SPAG7: variants seen among roughly 807,000 people sequenced by gnomAD.
SPAG7 encodes the protein sperm-associated antigen 7.
A neutral mutation model predicts 30.6 loss-of-function variants in SPAG7; 20 were observed. The observed-to-expected ratio is 0.65, with a 90% CI of 0.46 to 0.95. The LOEUF (loss-of-function observed/expected upper bound fraction) is 0.95. SPAG7 is among the 40% of genes least tolerant of loss of function. The pLI is 0.00. For missense variants in SPAG7, 276 were observed against 291.1 expected (o/e 0.95, Z 0.38); for synonymous variants, 127 against 104.2 (o/e 1.22, Z -1.33).
chr17:4,965,061 CACT>C (rs1180979998), intron 1 of SPAG7, among the ~76,000 whole-genome samples: 1 of 152,226 alleles, frequency 6.6e-6, no homozygotes, highest in African/African-American at 2.4e-5. Context: ...AGGCATGTGC[CACT>C]ACACCTGGCT....
chr17:4,961,564 A>G (rs1971863807), intron 1 of SPAG7, among the ~76,000 whole-genome samples: 1 of 150,418 alleles, frequency 6.6e-6, no homozygotes, highest in Non-Finnish European at 1.5e-5. Context: ...GACCATCCTG[A>G]CTAACACGGT....
chr17:4,960,140 A>G (rs1320077098), intron 4 of SPAG7, 29 bp from the exon 5 acceptor site: 1 of 1,603,844 alleles, frequency 6.2e-7, no homozygotes, highest in Admixed American at 1.7e-5. Context: ...ATGGGGTCAG[A>G]GTCCATACAA....
At chr17:4,967,019 G>A (rs906410870) in intron 1 of SPAG7, 10 of 985,534 alleles carry the variant, frequency 1.0e-5, no homozygotes, top group African/African-American at 7.0e-5. Context: ...GCCCTACGCC[G>A]GCCGCCGAAC....
At chr17:4,961,196 G>A (rs959433763) in intron 1 of SPAG7, among the ~76,000 whole-genome samples, 5 of 152,072 alleles carry the variant, frequency 3.3e-5, no homozygotes, top group South Asian at 2.1e-4. Context: ...GGTGGCTCAC[G>A]CCTATATCCC....
At chr17:4,960,167 C>T (rs1971837824) in intron 4 of SPAG7, 56 bp from the exon 5 acceptor site, 1 of 1,604,290 alleles carries the variant, frequency 6.2e-7, no homozygotes, top group South Asian at 1.1e-5. Context: ...CATTTCATTC[C>T]TTGGTCGGGG....
Position 4,967,717 on chromosome 17 carries a change from C to T in SPAG7, c.85+3G>A. 5 of 1,612,326 alleles carry T rather than the reference C, an allele frequency of 3.1e-6. No individual in the cohort carries two copies. The highest frequency in any genetic ancestry group is 4.2e-6 in the Non-Finnish European group (5 of 1,178,438). ...AAGGCGGTTGTGAATTTGGGATCCT[C>T]ACCTCGGGCCTTGCGCCGAGTCTCC... is the stretch of plus-strand genomic sequence containing the variant. On this transcript the variant is annotated splice_donor_region_variant and intron_variant, in intron 1 of 6. Coordinates refer to ENST00000206020, the MANE Select transcript of SPAG7 (RefSeq NM_004890.3).
chr17:4,960,074 C>T lies in SPAG7; in HGVS notation c.365G>A (p.Arg122His), dbSNP rs369733828. Residue 122 changes from arginine to histidine, a missense_variant, in exon 5 of 7, where the codon CGT (arginine) becomes CAT (histidine). Coordinates refer to ENST00000206020, the MANE Select transcript of SPAG7 (RefSeq NM_004890.3). ...CTGGGGGTCCCATTCCTCTCCACGACGGTAAGAGTCTAGCTCTTCATCTGA... is the reference window on the plus strand; with the variant it reads ...CTGGGGGTCCCATTCCTCTCCACGATGGTAAGAGTCTAGCTCTTCATCTGA... Reference protein sequence around the residue: ...APSDEELDSYRRGEEWDPQKA... With the variant: ...APSDEELDSYHRGEEWDPQKA... The T allele has an allele frequency of 2.5e-5, 41 of 1,614,026 alleles. No homozygotes were observed. Among genetic ancestry groups the T allele is most frequent in the Non-Finnish European group, 3.2e-5 (38 of 1,180,004 alleles).
At chr17:4,967,477 A>C (rs1372892996) in intron 1 of SPAG7, among the ~76,000 whole-genome samples, 3 of 152,194 alleles carry the variant, frequency 2.0e-5, no homozygotes, top group African/African-American at 7.2e-5. Flanking sequence ...CTAATGGGAA[A>C]CAAGGACTGC....
In SPAG7 at chr17:4,960,088, C is replaced by T; in HGVS notation, c.351G>A (p.Glu117=). ...CCTCTCCACGACGGTAAGAGTCTAG[C>T]TCTTCATCTGAGGGTGCAAACTCCT... ...FKKEFAPSDE[E]LDSYRRGEEW... is the part of the protein sequence containing the mutation. Residue 117 remains glutamate, a synonymous_variant, in exon 5 of 7, where the codon GAG becomes GAA. Coordinates refer to ENST00000206020, the MANE Select transcript of SPAG7 (RefSeq NM_004890.3). The T allele has an allele frequency of 6.2e-7, 1 of 1,614,168 alleles. No individual in the cohort carries two copies. The highest frequency in any genetic ancestry group is 8.5e-7 in the Non-Finnish European group (1 of 1,179,966).
At chr17:4,962,159 G>A (rs1285675542) in intron 1 of SPAG7, among the ~76,000 whole-genome samples, 1 of 152,138 alleles carries the variant, frequency 6.6e-6, no homozygotes. Flanking sequence ...TGTCACCCAG[G>A]CTGGAGTGCA....
intron 1 of SPAG7, among the ~76,000 whole-genome samples, chr17:4,967,505 A>T (rs1330154676): frequency 6.6e-6 from 1 of 152,090 alleles, no homozygotes; most frequent in Non-Finnish European, 1.5e-5. Flanking sequence ...CAGGGTCGGG[A>T]GAAGAGGCAG....
At chr17:4,966,585 C>G (rs1328420501) in intron 1 of SPAG7, 29 of 985,260 alleles carry the variant, frequency 2.9e-5, no homozygotes, top group Non-Finnish European at 3.0e-5. Flanking sequence ...TTGCTTCTCT[C>G]TCTCATTTAC....
chr17:4,960,651 C>T, intron 2 of SPAG7, 104 bp from the exon 3 acceptor site: 1 of 1,352,098 alleles, frequency 7.4e-7, no homozygotes, highest in Non-Finnish European at 1.1e-6. Context: ...GCACCCTCCC[C>T]AGCCTCCAAG....
chr17:4,961,363 A>G (rs1412313173), intron 1 of SPAG7, among the ~76,000 whole-genome samples: 2 of 151,918 alleles, frequency 1.3e-5, no homozygotes, highest in Non-Finnish European at 1.5e-5. Context: ...AGGCTGAGGC[A>G]GGAGAATCGC....
intron 2 of SPAG7, 40 bp from the exon 3 acceptor site, chr17:4,960,587 T>C (rs1240528621): frequency 1.3e-6 from 2 of 1,527,078 alleles, no homozygotes; most frequent in Non-Finnish European, 1.8e-6. Flanking sequence ...AGACAATGGC[T>C]CCACCCAAGT....
chr17:4,960,477 T>G lies in SPAG7; in HGVS notation c.224A>C (p.Lys75Thr), dbSNP rs752333774. ...QIKKKFQPMN[K>T]IERSILHDVV... ...CACTCACAGTATGCTCCTCTCGATC[T>G]TGTTCATTGGCTGAAACTTTTTCTT... Residue 75 changes from lysine to threonine, a missense_variant, in exon 3 of 7, where the codon AAG (lysine) becomes ACG (threonine). Transcript: ENST00000206020. The G allele has an allele frequency of 6.2e-7, 1 of 1,603,752 alleles. No individual in the cohort carries two copies. The highest frequency in any genetic ancestry group is 1.1e-5 in the South Asian group (1 of 89,498).
intron 1 of SPAG7, among the ~76,000 whole-genome samples, chr17:4,962,390 T>C (rs777901108): frequency 7.9e-5 from 12 of 152,202 alleles, no homozygotes; most frequent in South Asian, 2.1e-4. Flanking sequence ...GCTGGAATTA[T>C]AGGCGTGAGC....
Position 4,959,635 on chromosome 17 carries a change from C to T in SPAG7, c.583G>A (p.Ala195Thr). Residue 195 changes from alanine (A) to threonine (T), a missense_variant, in exon 7 of 7, where the codon GCC (alanine) becomes ACC (threonine). Coordinates refer to ENST00000206020, the MANE Select transcript of SPAG7 (RefSeq NM_004890.3). Reference sequence around the variant, plus strand: ...ATGGAGCGTGTGTCCCTCTTATTGGCCACGGGCACTAGGGGCAGAGAGGAG... The same window carrying T: ...ATGGAGCGTGTGTCCCTCTTATTGGTCACGGGCACTAGGGGCAGAGAGGAG... ...ANKTYGCVPV[A>T]NKRDTRSIEE... 5 of 1,614,050 alleles carry T rather than the reference C, an allele frequency of 3.1e-6. No homozygotes were observed. The highest frequency in any genetic ancestry group is 1.6e-4 in the Middle Eastern group (1 of 6,062).
At chr17:4,962,574 C>G (rs1971880172) in intron 1 of SPAG7, among the ~76,000 whole-genome samples, 1 of 152,166 alleles carries the variant, frequency 6.6e-6, no homozygotes. Context: ...TGCTCAGCTA[C>G]TGTTTAAAAA....
Sources: allele counts gnomAD v4.1 joint callset (sites outside exome capture counted in the v4.1 genomes callset), GRCh38; gene constraint gnomAD v4.1.1; transcripts MANE v1.5; gene names NCBI Gene and HGNC (gene_info 2026-07-23, HGNC 2026-07-21).